Variants in CSMD1 observed in about 807,000 individuals in gnomAD.
CSMD1 encodes CUB and sushi domain-containing protein 1.
CSMD1 carries 213 observed loss-of-function variants against 417.5 expected under a neutral mutation model. That is an observed-to-expected ratio of 0.51 (90% CI 0.46 to 0.57). The LOEUF (loss-of-function observed/expected upper bound fraction) is 0.57, where lower values mean the gene tolerates loss of function less well. CSMD1 is among the 20% of genes least tolerant of loss of function. The pLI, the probability that CSMD1 is intolerant of heterozygous loss-of-function variation, is 0.00. For synonymous variants in CSMD1, 2,862 were observed against 1,736.8 expected (o/e 1.65, Z -16.11); for missense variants, 6,923 against 4,529.7 (o/e 1.53, Z -15.17).
chr8:3,959,295 G>T (rs1187717430), intron 5 of CSMD1, among the ~76,000 whole-genome samples: 1 of 152,132 alleles, frequency 6.6e-6, no homozygotes, highest in Non-Finnish European at 1.5e-5. Context: ...CCAGAAATGT[G>T]GGATCAGCCT....
At chr8:4,932,425 G>T (rs1265527245) in intron 1 of CSMD1, among the ~76,000 whole-genome samples, 3 of 151,914 alleles carry the variant, frequency 2.0e-5, no homozygotes, top group Non-Finnish European at 2.9e-5. Context: ...AAGACACGAA[G>T]ACTTCCAAAA....
chr8:4,072,250 C>T (rs542329231), intron 3 of CSMD1, among the ~76,000 whole-genome samples: 9 of 152,050 alleles, frequency 5.9e-5, no homozygotes, highest in Non-Finnish European at 1.2e-4. Context: ...GGTTGAATCC[C>T]ATAGGAGTTT....
At chr8:3,823,202 T>C (rs1008035074) in intron 5 of CSMD1, among the ~76,000 whole-genome samples, 1 of 152,116 alleles carries the variant, frequency 6.6e-6, no homozygotes, top group African/African-American at 2.4e-5. Context: ...CAGTTTGCAA[T>C]ATTGGTGGGT....
At chr8:3,419,575 A>C (rs544327635) in intron 12 of CSMD1, among the ~76,000 whole-genome samples, 1 of 152,328 alleles carries the variant, frequency 6.6e-6, no homozygotes, top group African/African-American at 2.4e-5. Context: ...GAAATTCTGA[A>C]ACCTGGAAAA....
intron 3 of CSMD1, among the ~76,000 whole-genome samples, chr8:4,384,003 G>GT (rs778417528): frequency 7.8e-4 from 118 of 152,200 alleles, no homozygotes; most frequent in Non-Finnish European, 1.4e-3. Context: ...GGACAAGAAG[G>GT]ATCCAGGGAC....
At chr8:4,658,167 A>G (rs1319605502) in intron 1 of CSMD1, among the ~76,000 whole-genome samples, 1 of 151,500 alleles carries the variant, frequency 6.6e-6, no homozygotes, top group Non-Finnish European at 1.5e-5. Context: ...GAGAAAGAGA[A>G]AGCAGCAGAA....
At chr8:4,706,559 T>G (rs1202293578) in intron 1 of CSMD1, among the ~76,000 whole-genome samples, 1 of 152,220 alleles carries the variant, frequency 6.6e-6, no homozygotes, top group East Asian at 1.9e-4. Context: ...TCGGCATCAT[T>G]TAAGTCAACT....
At chr8:3,935,872 A>G (rs1487047746) in intron 5 of CSMD1, among the ~76,000 whole-genome samples, 1 of 152,184 alleles carries the variant, frequency 6.6e-6, no homozygotes, top group Non-Finnish European at 1.5e-5. Flanking sequence ...CATTGGCCTT[A>G]GTGAGAAAAG....
In CSMD1 at chr8:3,052,660, G is replaced by A. The variant is rs375167025; in HGVS notation, c.7475-13C>T. ...CCACAGGACACAGCTGAAAAGAAAT[G>A]AAACAAATGTAGGCTTATTCTTACA... On this transcript the variant is annotated splice_polypyrimidine_tract_variant and intron_variant, in intron 49 of 69. Transcript: ENST00000635120. 1.3e-6 allele frequency: 2 copies of A among 1,567,948 alleles called. No homozygotes were observed. Among genetic ancestry groups the A allele is most frequent in the East Asian group, 2.3e-5 (1 of 43,142 alleles).
chr8:4,231,345 C>T (rs1313535677), intron 3 of CSMD1, among the ~76,000 whole-genome samples: 1 of 152,186 alleles, frequency 6.6e-6, no homozygotes. Flanking sequence ...TTCAATAAAT[C>T]ACCTAGCATT....
intron 5 of CSMD1, among the ~76,000 whole-genome samples, chr8:3,872,937 C>T (rs184399765): frequency 6.6e-6 from 1 of 151,014 alleles, no homozygotes; most frequent in Admixed American, 6.6e-5. Flanking sequence ...ATGTGGCCAA[C>T]AATCATATGA....
At chr8:4,593,133 GAGGATGCTGAGGTCTC>G (rs1800073064) in intron 2 of CSMD1, among the ~76,000 whole-genome samples, 1 of 152,154 alleles carries the variant, frequency 6.6e-6, no homozygotes, top group Non-Finnish European at 1.5e-5. Context: ...AGGGTGAATG[GAGGATGCTGAGGTCTC>G]AGCATTGAGA....
intron 1 of CSMD1, among the ~76,000 whole-genome samples, chr8:4,938,829 A>G (rs1270153830): frequency 1.3e-5 from 2 of 152,206 alleles, no homozygotes; most frequent in South Asian, 2.1e-4. Flanking sequence ...GGTGCCAAAC[A>G]TTATTGAAAC....
At chr8:4,110,893 CAA>C (rs1382532628) in intron 3 of CSMD1, among the ~76,000 whole-genome samples, 4 of 151,864 alleles carry the variant, frequency 2.6e-5, no homozygotes, top group Non-Finnish European at 4.4e-5. Context: ...TTTCTTATGT[CAA>C]AAGACATAAA....
At chr8:4,061,092 G>A (rs530053830) in intron 3 of CSMD1, among the ~76,000 whole-genome samples, 1 of 152,060 alleles carries the variant, frequency 6.6e-6, no homozygotes, top group African/African-American at 2.4e-5. Flanking sequence ...TATTATTTTT[G>A]TTGATATCTT....
In CSMD1 at chr8:3,365,789, T is replaced by C. The variant is rs569301414; in HGVS notation, c.3115+1243A>G. Among the ~76,000 whole-genome samples the C allele has an allele frequency of 3.6e-3, 544 of 152,342 alleles. 6 individuals carry two copies. Among genetic ancestry groups the C allele is most frequent in the African/African-American group, 0.012 (519 of 41,592 alleles). On this transcript the variant is annotated intron_variant, in intron 20 of 69. Transcript: ENST00000635120. Reference sequence around the variant, plus strand: ...GTGTGGGGGTTGACACCCCAACCCTTGTATTATTGAACTACAGTTGACCTT... The same window carrying C: ...GTGTGGGGGTTGACACCCCAACCCTCGTATTATTGAACTACAGTTGACCTT...
At position 4,364,656 on chromosome 8, in the gene CSMD1, C is replaced by G. The variant is rs1252073278; in HGVS notation, c.415+55297G>C. On this transcript the variant is annotated intron_variant, in intron 3 of 69. Coordinates refer to ENST00000635120, the MANE Select transcript of CSMD1 (RefSeq NM_033225.6). ...CGGCTAAAACGGTGAAACCCCGTCTCTACTAAAAATACAAAAAAATTAGCC... is the reference window on the plus strand; with the variant it reads ...CGGCTAAAACGGTGAAACCCCGTCTGTACTAAAAATACAAAAAAATTAGCC... Among the ~76,000 whole-genome samples the G allele has an allele frequency of 4.8e-5, 2 of 41,700 alleles. 1 individual carries two copies. Among genetic ancestry groups the G allele is most frequent in the Non-Finnish European group, 8.1e-5 (2 of 24,714 alleles). 27.4% of individuals were successfully genotyped at this position (41,700 alleles called of 152,430 possible).
At chr8:3,587,609 C>G (rs527764139) in intron 8 of CSMD1, among the ~76,000 whole-genome samples, 2 of 152,108 alleles carry the variant, frequency 1.3e-5, no homozygotes, top group Non-Finnish European at 2.9e-5. Context: ...GCATCCCCCA[C>G]GGCATCTATG....
intron 23 of CSMD1, among the ~76,000 whole-genome samples, chr8:3,316,645 C>T (rs1805784681): frequency 6.6e-6 from 1 of 152,100 alleles, no homozygotes; most frequent in African/African-American, 2.4e-5. Context: ...CACCAATTTA[C>T]AGGAACATTT....
Sources: allele counts gnomAD v4.1 joint callset (sites outside exome capture counted in the v4.1 genomes callset), GRCh38; gene constraint gnomAD v4.1.1; transcripts MANE v1.5; gene names NCBI Gene and HGNC (gene_info 2026-07-23, HGNC 2026-07-21).